The following BEND7 variants were observed in gnomAD, a reference collection of about 807,000 sequenced individuals.
BEND7 encodes BEN domain-containing protein 7.
BEND7 carries 28 observed loss-of-function variants against 50.9 expected under a neutral mutation model. That is an observed-to-expected ratio of 0.55 (90% CI 0.41 to 0.75). The LOEUF is 0.75. BEND7 is among the 30% of genes least tolerant of loss of function. The pLI is 0.00. For missense variants in BEND7, 477 were observed against 491.3 expected (o/e 0.97, Z 0.28); for synonymous variants, 170 against 183.9 (o/e 0.92, Z 0.61).
At position 13,492,749 on chromosome 10, in the gene BEND7, CTGTTTCACAGTAAGA is replaced by C; in HGVS notation, c.684_698del (p.Leu229_Gln233del). 6.2e-7 allele frequency: 1 copy of C among 1,614,026 alleles called. No individual in the cohort carries two copies. Among genetic ancestry groups the C allele is most frequent in the Non-Finnish European group, 8.5e-7 (1 of 1,179,998 alleles). ...TCTCCATCTCTGACCCACTGGGCTT[CTGTTTCACAGTAAGA>C]GGTTCCACAGTCTTTGGGGGCACTT... On this transcript the variant is annotated inframe_deletion, in exon 5 of 9. Transcript: ENST00000466271.
At chr10:13,455,619 G>A (rs1838777615) in intron 6 of BEND7, among the ~76,000 whole-genome samples, 1 of 152,150 alleles carries the variant, frequency 6.6e-6, no homozygotes, top group African/African-American at 2.4e-5. Flanking sequence ...CAGGATACAG[G>A]GAGAAGGAGG....
intron 2 of BEND7, among the ~76,000 whole-genome samples, chr10:13,525,221 T>G (rs188895461): frequency 6.6e-6 from 1 of 152,370 alleles, no homozygotes; most frequent in East Asian, 1.9e-4. Flanking sequence ...CTCTCCACCC[T>G]GACCTTATGG....
chr10:13,462,966 G>A (rs2073860629), intron 6 of BEND7, among the ~76,000 whole-genome samples: 1 of 152,194 alleles, frequency 6.6e-6, no homozygotes, highest in African/African-American at 2.4e-5. Flanking sequence ...TGAATCTAGA[G>A]AACACTGGAA....
At chr10:13,509,107 G>A (rs551168983) in intron 2 of BEND7, among the ~76,000 whole-genome samples, 4 of 152,326 alleles carry the variant, frequency 2.6e-5, no homozygotes, top group East Asian at 1.9e-4. Flanking sequence ...TGCAAAATGA[G>A]CTATCACACG....
intron 7 of BEND7, among the ~76,000 whole-genome samples, chr10:13,448,096 T>C (rs1172007687): frequency 1.3e-5 from 2 of 152,184 alleles, no homozygotes; most frequent in African/African-American, 2.4e-5. Context: ...AGGCGTTGCT[T>C]CAAAAGATTC....
At chr10:13,470,605 T>C (rs979674243) in intron 6 of BEND7, among the ~76,000 whole-genome samples, 10 of 152,218 alleles carry the variant, frequency 6.6e-5, no homozygotes, top group Non-Finnish European at 1.2e-4. Flanking sequence ...TTGCTCCTTA[T>C]GTAGTAAACA....
intron 4 of BEND7, 70 bp from the exon 5 acceptor site, chr10:13,492,946 T>C: frequency 6.6e-7 from 1 of 1,519,974 alleles, no homozygotes; most frequent in Non-Finnish European, 8.9e-7. Flanking sequence ...CTCCGGTCTA[T>C]CCATGTGATC....
chr10:13,487,869 G>A (rs1033748090), intron 5 of BEND7, among the ~76,000 whole-genome samples: 5 of 151,952 alleles, frequency 3.3e-5, no homozygotes, highest in African/African-American at 1.2e-4. Context: ...GAGGCGGATG[G>A]ATCACTTGAG....
chr10:13,441,819 C>T, intron 8 of BEND7, 69 bp from the exon 9 acceptor site: 2 of 1,480,410 alleles, frequency 1.4e-6, no homozygotes, highest in Non-Finnish European at 1.9e-6. Flanking sequence ...AAAAGGCTAA[C>T]AAAAAGGTAT....
chr10:13,491,983 T>G (rs1330125073), intron 5 of BEND7, among the ~76,000 whole-genome samples: 2 of 151,838 alleles, frequency 1.3e-5, no homozygotes, highest in East Asian at 3.9e-4. Flanking sequence ...ATTAAACACA[T>G]TCGTTTATGG....
intron 2 of BEND7, among the ~76,000 whole-genome samples, chr10:13,515,791 G>C (rs1368917911): frequency 6.6e-6 from 1 of 152,164 alleles, no homozygotes; most frequent in Non-Finnish European, 1.5e-5. Flanking sequence ...TTTTTTTCCT[G>C]TTTAAAGTCA....
chr10:13,501,103 A>G (rs555840281), intron 2 of BEND7, among the ~76,000 whole-genome samples: 36 of 152,232 alleles, frequency 2.4e-4, no homozygotes, highest in Non-Finnish European at 3.7e-4. Flanking sequence ...GGCCGGGCAC[A>G]GTGGCTCACG....
intron 6 of BEND7, among the ~76,000 whole-genome samples, chr10:13,467,886 T>C (rs1564284639): frequency 6.6e-6 from 1 of 152,230 alleles, no homozygotes; most frequent in African/African-American, 2.4e-5. Context: ...CCTGTATTTA[T>C]GGATCATTAG....
chr10:13,464,661 G>A lies in BEND7; in HGVS notation c.1064-12003C>T, dbSNP rs554732363. Among the ~76,000 whole-genome samples the A allele has an allele frequency of 3.7e-4, 57 of 152,220 alleles. 1 individual carries two copies. The highest frequency in any genetic ancestry group is 6.8e-3 in the Middle Eastern group (2 of 294). ...GGAAGGCAGAGAAAACAAATTCTTGGCAAATGTCTTTACCACATTCAAGAT... is the reference window on the plus strand; with the variant it reads ...GGAAGGCAGAGAAAACAAATTCTTGACAAATGTCTTTACCACATTCAAGAT... On this transcript the variant is annotated intron_variant, in intron 6 of 8. Coordinates refer to ENST00000466271, the MANE Select transcript of BEND7 (RefSeq NM_001369863.1).
chr10:13,517,166 C>A (rs192517007), intron 2 of BEND7, among the ~76,000 whole-genome samples: 1 of 150,624 alleles, frequency 6.6e-6, no homozygotes, highest in East Asian at 2.0e-4. Context: ...CTGGGCTCAA[C>A]TGATCCTCCC....
chr10:13,451,999 C>T (rs1318791028), intron 7 of BEND7, among the ~76,000 whole-genome samples: 1 of 152,110 alleles, frequency 6.6e-6, no homozygotes, highest in Non-Finnish European at 1.5e-5. Context: ...AACGGGTGCT[C>T]ACTTTTCCTG....
chr10:13,441,862 GC>G (rs750996860), intron 8 of BEND7, 112 bp from the exon 9 acceptor site: 32 of 1,084,634 alleles, frequency 3.0e-5, no homozygotes, highest in Non-Finnish European at 4.2e-5. Context: ...CTTCCTTGTA[GC>G]CCCCCAAAAG....
Position 13,491,244 on chromosome 10 carries a change from C to T in BEND7, c.837+1367G>A, listed in dbSNP as rs549398105. 1.3e-4 allele frequency among the ~76,000 whole-genome samples: 19 copies of T among 145,724 alleles called. No homozygotes were observed. In the East Asian group the frequency reaches 2.9e-3, roughly 22 times the overall value. ...AGGAGAATTGCTTGAACCCAAGAGG[C>T]GGAGGTTGCAGTGAGTGGAGATCAT... On this transcript the variant is annotated intron_variant, in intron 5 of 8. Transcript: ENST00000466271.
intron 2 of BEND7, among the ~76,000 whole-genome samples, chr10:13,504,703 A>C (rs747240179): frequency 4.6e-5 from 7 of 152,250 alleles, no homozygotes; most frequent in Non-Finnish European, 1.0e-4. Flanking sequence ...TCTCTTTCCA[A>C]GACGCTGAAT....
Sources: gnomAD v4.1 joint callset for allele counts (sites outside exome capture counted in the v4.1 genomes callset) on GRCh38, gnomAD v4.1.1 for gene constraint, MANE v1.5 for transcripts, NCBI Gene and HGNC (gene_info 2026-07-23, HGNC 2026-07-21) for gene names.